Variants in RIMKLB observed in about 807,000 individuals in gnomAD.
The protein encoded by RIMKLB is beta-citrylglutamate synthase B.
Under a neutral mutation model 32.0 loss-of-function variants are expected in RIMKLB, and 7 were observed. The observed-to-expected ratio is 0.22, with a 90% CI of 0.12 to 0.41. RIMKLB has a LOEUF of 0.41. Among genes scored for constraint, RIMKLB ranks in the 10% least tolerant of loss-of-function variants. RIMKLB has a pLI of 1.00. For missense variants in RIMKLB, 289 were observed against 498.7 expected (o/e 0.58, Z 4.00); for synonymous variants, 172 against 185.1 (o/e 0.93, Z 0.57).
At chr12:8,707,620 G>A (rs375296104) in intron 1 of RIMKLB, among the ~76,000 whole-genome samples, 28 of 152,168 alleles carry the variant, frequency 1.8e-4, no homozygotes, top group African/African-American at 6.8e-4. Flanking sequence ...CAGAGGTTAG[G>A]GGATGAGACG....
At chr12:8,680,308 C>T (rs962251284), upstream of RIMKLB, among the ~76,000 whole-genome samples, 1 of 152,108 alleles carries the variant, frequency 6.6e-6, no homozygotes, top group Non-Finnish European at 1.5e-5. Flanking sequence ...AGGCGCCCGC[C>T]ACCACGCCCG....
the RIMKLB span, among the ~76,000 whole-genome samples, chr12:8,670,140 G>A: frequency 1.3e-5 from 2 of 151,714 alleles, no homozygotes; most frequent in African/African-American, 2.4e-5. Flanking sequence ...ATTTAGGTGA[G>A]GACACAGCCA....
chr12:8,730,082 C>G (rs1946399988), intron 2 of RIMKLB, among the ~76,000 whole-genome samples: 1 of 152,106 alleles, frequency 6.6e-6, no homozygotes, highest in African/African-American at 2.4e-5. Flanking sequence ...GCCTTGGCTG[C>G]TTTTGTTCTT....
chr12:8,776,057 G>A lies in RIMKLB; in HGVS notation c.*2273G>A. 1.0e-6 allele frequency: 1 copy of A among 983,194 alleles called. No individual in the cohort carries two copies. The highest frequency in any genetic ancestry group is 1.2e-6 in the Non-Finnish European group (1 of 827,956). 60.9% of individuals were successfully genotyped at this position (983,194 alleles called of 1,614,324 possible). ...CATATGTTCATATAGAGACCATCTG[G>A]TTGCCATGTGTATTATGACACATAC... On this transcript the variant is annotated 3_prime_UTR_variant, in exon 6 of 6. Transcript: ENST00000535829.
At chr12:8,780,020 C>G (rs1950941670), downstream of RIMKLB, 1 of 152,186 alleles carries the variant, frequency 6.6e-6, no homozygotes, top group Non-Finnish European at 1.5e-5. Flanking sequence ...AAATGCTACC[C>G]TATTTTAAAT....
upstream of RIMKLB, among the ~76,000 whole-genome samples, chr12:8,677,545 T>C (rs1328001880): frequency 1.3e-5 from 2 of 152,044 alleles, no homozygotes; most frequent in African/African-American, 4.8e-5. Flanking sequence ...CATCCACACT[T>C]CCCCATCTTT....
intron 2 of RIMKLB, among the ~76,000 whole-genome samples, chr12:8,727,111 A>G (rs1565583271): frequency 6.6e-6 from 1 of 152,150 alleles, no homozygotes; most frequent in Non-Finnish European, 1.5e-5. Flanking sequence ...GCTGTTATTC[A>G]TTTCTTTTAA....
At chr12:8,686,733 A>C (rs1172931954) in intron 1 of RIMKLB, among the ~76,000 whole-genome samples, 4 of 151,708 alleles carry the variant, frequency 2.6e-5, no homozygotes, top group Admixed American at 1.3e-4. Flanking sequence ...CCGCCCGCCT[A>C]GGCCTCCCAA....
At chr12:8,671,115 A>G in the RIMKLB span, among the ~76,000 whole-genome samples, 1 of 152,014 alleles carries the variant, frequency 6.6e-6, no homozygotes, top group African/African-American at 2.4e-5. Flanking sequence ...CTGTGATGGG[A>G]GGGGCTGCCA....
chr12:8,733,740 G>T (rs757383878), intron 2 of RIMKLB, among the ~76,000 whole-genome samples: 5 of 152,088 alleles, frequency 3.3e-5, no homozygotes, highest in Non-Finnish European at 5.9e-5. Context: ...GAAATTAGCC[G>T]GACGTGATGG....
chr12:8,718,639 C>CTG, intron 2 of RIMKLB, among the ~76,000 whole-genome samples: 1 of 81,010 alleles, frequency 1.2e-5, no homozygotes, highest in African/African-American at 6.3e-5. Flanking sequence ...GAGACTCCGT[C>CTG]TCTCTCTCTC....
chr12:8,704,812 T>C (rs2136772144), intron 1 of RIMKLB, among the ~76,000 whole-genome samples: 1 of 151,804 alleles, frequency 6.6e-6, no homozygotes, highest in East Asian at 2.0e-4. Context: ...AGTGAGAACC[T>C]GCCTCTAAAA....
At chr12:8,678,330 T>A (rs920004391), upstream of RIMKLB, among the ~76,000 whole-genome samples, 3 of 151,416 alleles carry the variant, frequency 2.0e-5, no homozygotes, top group Admixed American at 2.0e-4. Context: ...TTTCTTTTTT[T>A]CTTTTCTTTT....
At chr12:8,729,085 A>AG (rs1565586072) in intron 2 of RIMKLB, among the ~76,000 whole-genome samples, 1 of 152,092 alleles carries the variant, frequency 6.6e-6, no homozygotes, top group Non-Finnish European at 1.5e-5. Context: ...CACAGTGTGT[A>AG]GGGGAGGGTA....
At chr12:8,715,168 A>T (rs918606268) in intron 2 of RIMKLB, among the ~76,000 whole-genome samples, 1 of 151,180 alleles carries the variant, frequency 6.6e-6, no homozygotes, top group African/African-American at 2.4e-5. Flanking sequence ...ACTTTTGATC[A>T]GTTATTGTTG....
At chr12:8,757,655 G>A (rs1423306482) in intron 5 of RIMKLB, among the ~76,000 whole-genome samples, 2 of 151,864 alleles carry the variant, frequency 1.3e-5, no homozygotes, top group Non-Finnish European at 2.9e-5. Flanking sequence ...TTCCTATAAT[G>A]TACTTTTAGT....
intron 1 of RIMKLB, among the ~76,000 whole-genome samples, chr12:8,702,872 T>G (rs1943523590): frequency 6.6e-6 from 1 of 152,236 alleles, no homozygotes; most frequent in African/African-American, 2.4e-5. Flanking sequence ...GGCCAGACAT[T>G]TATCATGTTA....
At position 8,698,186 on chromosome 12, in the gene RIMKLB, C is replaced by T. The variant is rs961336076; in HGVS notation, c.-168C>T. On this transcript the variant is annotated 5_prime_UTR_variant, in exon 1 of 6. Transcript: ENST00000535829. ...GGAGGCGGCTCCCGGTATCCCGACCCCCTCCCCCTCCTCTCCTTCCCCCAC... is the reference window on the plus strand; with the variant it reads ...GGAGGCGGCTCCCGGTATCCCGACCTCCTCCCCCTCCTCTCCTTCCCCCAC... The T allele has an allele frequency of 2.9e-6, 1 of 348,612 alleles. No individual in the cohort carries two copies. The highest frequency in any genetic ancestry group is 5.8e-6 in the Non-Finnish European group (1 of 171,882). The allele number at this position is 348,612 out of a possible 1,614,324, so 21.6% of individuals were successfully genotyped here.
intron 5 of RIMKLB, among the ~76,000 whole-genome samples, chr12:8,771,748 GT>G (rs1950417081): frequency 6.6e-6 from 1 of 152,016 alleles, no homozygotes; most frequent in African/African-American, 2.4e-5. Context: ...GATTTTAGCT[GT>G]TTTAGTCAGC....
Sources: gnomAD v4.1 joint callset for allele counts (sites outside exome capture counted in the v4.1 genomes callset) on GRCh38, gnomAD v4.1.1 for gene constraint, MANE v1.5 for transcripts, NCBI Gene and HGNC (gene_info 2026-07-23, HGNC 2026-07-21) for gene names.